The following NUP160 variants were observed in gnomAD, a reference collection of about 807,000 sequenced individuals.
NUP160 encodes nucleoporin 160, also known as nuclear pore complex protein Nup160.
A neutral mutation model predicts 196.9 loss-of-function variants in NUP160; 94 were observed. That is an observed-to-expected ratio of 0.48 (90% CI 0.40 to 0.57). NUP160 has a LOEUF of 0.57. Ranked by LOEUF, NUP160 falls within the 20% of genes least tolerant of loss-of-function variation. The pLI is 0.00. For missense variants in NUP160, 1,638 were observed against 1,748.3 expected, an observed-to-expected ratio of 0.94 and a Z score of 1.13; for synonymous variants, 605 against 619.7, an observed-to-expected ratio of 0.98 and a Z score of 0.35.
chr11:47,782,048 A>C (rs1025711398), intron 34 of NUP160, among the ~76,000 whole-genome samples: 3 of 151,996 alleles, frequency 2.0e-5, no homozygotes, highest in Non-Finnish European at 2.9e-5. Context: ...TGGGAGGCCG[A>C]GGTGGGTGGA....
intron 20 of NUP160, 132 bp from the exon 21 acceptor site, chr11:47,804,750 A>G (rs1242458770): frequency 5.2e-6 from 3 of 578,202 alleles, no homozygotes; most frequent in Non-Finnish European, 9.1e-6. Context: ...GGCCAACCAC[A>G]TGTTCTTTCA....
chr11:47,796,179 A>C (rs578118263), intron 27 of NUP160: 3 of 305,466 alleles, frequency 9.8e-6, no homozygotes, highest in Non-Finnish European at 1.2e-5. Context: ...AAAAAGGAGC[A>C]GCTGCGGAAG....
chr11:47,782,257 A>C (rs1237249019), intron 34 of NUP160, among the ~76,000 whole-genome samples: 1 of 141,622 alleles, frequency 7.1e-6, no homozygotes, highest in Non-Finnish European at 1.5e-5. Flanking sequence ...GCATCACTGC[A>C]CTCCAGCTTG....
intron 7 of NUP160, among the ~76,000 whole-genome samples, chr11:47,823,516 C>T (rs1438383237): frequency 6.6e-6 from 1 of 151,984 alleles, no homozygotes; most frequent in Non-Finnish European, 1.5e-5. Context: ...CATGTAGTAG[C>T]ATGTGTCAGC....
intron 13 of NUP160, among the ~76,000 whole-genome samples, chr11:47,813,645 C>T (rs977618797): frequency 6.6e-6 from 1 of 151,044 alleles, no homozygotes; most frequent in African/African-American, 2.4e-5. Context: ...GCCTGGGCAT[C>T]ATGATGAAAC....
chr11:47,847,648 T>TGGGGGGGGG (rs56283744), intron 2 of NUP160, among the ~76,000 whole-genome samples, 200 bp downstream of exon 2: 91 of 77,436 alleles, frequency 1.2e-3, no homozygotes, highest in Non-Finnish European at 1.5e-3. Flanking sequence ...TGTGTGGGGG[T>TGGGGGGGGG]GGGGGGGGGG....
chr11:47,839,945 C>A (rs1200763037), exon 4 of NUP160: 2 of 1,614,054 alleles, frequency 1.2e-6, no homozygotes, highest in Non-Finnish European at 1.7e-6. Context: ...GCTGTAGAGG[C>A]GGTGGAATTA....
intron 7 of NUP160, among the ~76,000 whole-genome samples, chr11:47,826,563 C>A (rs1367344010): frequency 1.3e-5 from 2 of 149,850 alleles, no homozygotes; most frequent in Non-Finnish European, 3.0e-5. Context: ...GTAAAAATCC[C>A]CCCCCCCTTT....
chr11:47,820,487 C>G (rs1406716395), intron 9 of NUP160, among the ~76,000 whole-genome samples: 3 of 152,096 alleles, frequency 2.0e-5, no homozygotes, highest in Non-Finnish European at 4.4e-5. Context: ...TCAAGCAATC[C>G]TCCTGCCTCA....
chr11:47,797,680 C>A (rs559373484), intron 27 of NUP160, 99 bp downstream of exon 27: 3 of 782,638 alleles, frequency 3.8e-6, no homozygotes, highest in African/African-American at 1.7e-5. Flanking sequence ...TACTTAAACA[C>A]ATATTAAAAA....
At chr11:47,796,150 T>G in intron 27 of NUP160, 1 of 235,158 alleles carries the variant, frequency 4.3e-6, no homozygotes, top group Non-Finnish European at 7.0e-6. Flanking sequence ...TGAGACTTCA[T>G]CTAAAAAAAA....
chr11:47,816,976 GTTTT>G (rs371077064), intron 11 of NUP160, among the ~76,000 whole-genome samples: 1 of 136,564 alleles, frequency 7.3e-6, no homozygotes, highest in Admixed American at 7.5e-5. Flanking sequence ...AATCCTTTCA[GTTTT>G]TTTTTTTTTT....
At chr11:47,808,208 G>T (rs924158248) in intron 18 of NUP160, among the ~76,000 whole-genome samples, 188 bp downstream of exon 18, 1 of 152,198 alleles carries the variant, frequency 6.6e-6, no homozygotes, top group African/African-American at 2.4e-5. Flanking sequence ...TTGAACCTGG[G>T]AGGCGGAGGT....
At chr11:47,814,800 T>C (rs1280740693) in intron 13 of NUP160, among the ~76,000 whole-genome samples, 4 of 152,202 alleles carry the variant, frequency 2.6e-5, no homozygotes, top group Admixed American at 1.3e-4. Context: ...AACTTCTCAG[T>C]AGTTCAGGAA....
chr11:47,806,078 T>G (rs766651740), intron 20 of NUP160, 75 bp downstream of exon 20: 16 of 1,395,922 alleles, frequency 1.1e-5, no homozygotes, highest in Non-Finnish European at 1.6e-5. Flanking sequence ...CCTCCCAAAG[T>G]GCTGGGATTA....
chr11:47,782,155 G>A (rs982038063), intron 34 of NUP160, among the ~76,000 whole-genome samples: 1 of 151,186 alleles, frequency 6.6e-6, no homozygotes, highest in Non-Finnish European at 1.5e-5. Context: ...GTGGTGGCAG[G>A]TGCCTGTAAT....
intron 33 of NUP160, among the ~76,000 whole-genome samples, chr11:47,784,033 A>C (rs1005000029): frequency 2.8e-4 from 42 of 151,966 alleles, no homozygotes; most frequent in Admixed American, 1.2e-3. Flanking sequence ...CAAAAACAAA[A>C]AAAACAAAAC....
chr11:47,848,176 G>A (rs745489254), intron 1 of NUP160, 43 bp downstream of exon 1: 8 of 1,602,828 alleles, frequency 5.0e-6, no homozygotes, highest in African/African-American at 1.3e-5. Flanking sequence ...AGAGGAGCCC[G>A]AGGGGACAGA....
At chr11:47,794,854 A>G (rs999625956) in intron 27 of NUP160, among the ~76,000 whole-genome samples, 1 of 151,992 alleles carries the variant, frequency 6.6e-6, no homozygotes, top group African/African-American at 2.4e-5. Flanking sequence ...CGGAGGTTGC[A>G]GTGAGCCGAG....
Sources: gnomAD v4.1 joint callset for allele counts (sites outside exome capture counted in the v4.1 genomes callset) on GRCh38, gnomAD v4.1.1 for gene constraint, MANE v1.5 for transcripts, NCBI Gene and HGNC (gene_info 2026-07-23, HGNC 2026-07-21) for gene names.